Variants in MYLK3 observed in about 807,000 individuals in gnomAD.
MYLK3 encodes the protein MLC kinase.
A neutral mutation model predicts 76.3 loss-of-function variants in MYLK3; 55 were observed. The observed-to-expected ratio is 0.72, with a 90% CI of 0.58 to 0.90. The LOEUF (loss-of-function observed/expected upper bound fraction) is 0.90. Among genes scored for constraint, MYLK3 ranks in the 40% least tolerant of loss-of-function variants. The pLI is 0.00. For missense variants in MYLK3, 973 were observed against 1,053.6 expected, an observed-to-expected ratio of 0.92 and a Z score of 1.06; for synonymous variants, 416 against 425.4, an observed-to-expected ratio of 0.98 and a Z score of 0.27.
In MYLK3 at chr16:46,706,229, A is replaced by C. The variant is rs924991685; in HGVS notation, c.*1475T>G. ...TAATATAAACAGTCAGTTAATACCC[A>C]TACACACATATGTGTTCGTGTGTGT... is the stretch of plus-strand genomic sequence containing the variant. On this transcript the variant is annotated 3_prime_UTR_variant, in exon 13 of 13. Transcript: ENST00000394809. 2.6e-5 allele frequency: 4 copies of C among 151,690 alleles called. No individual in the cohort carries two copies. The highest frequency in any genetic ancestry group is 9.7e-5 in the African/African-American group (4 of 41,266). The allele number at this position is 151,690 out of a possible 1,614,324, so 9.4% of individuals were successfully genotyped here. A position where few individuals can be genotyped will look rare whatever the true frequency, so the allele number is the denominator to read the frequency against.
chr16:46,711,127 A>G (rs1596745483), intron 10 of MYLK3: 2 of 273,398 alleles, frequency 7.3e-6, no homozygotes, highest in Non-Finnish European at 1.4e-5. Context: ...TTAGAAATAG[A>G]AATAGCCTTC....
intron 8 of MYLK3, chr16:46,726,661 GAA>G (rs1365198994): frequency 3.5e-5 from 1 of 28,668 alleles, no homozygotes; most frequent in Non-Finnish European, 8.4e-5. Context: ...AAAGAAGAAA[GAA>G]AAAGAAAGAA....
At chr16:46,742,447 A>ACACAC (rs1555471290) in intron 1 of MYLK3, among the ~76,000 whole-genome samples, 12,047 of 130,796 alleles carry the variant, frequency 0.092, 714 homozygotes, top group East Asian at 0.22. Context: ...TCCCAGCAAA[A>ACACAC]ACACACACAC....
intron 2 of MYLK3, 75 bp downstream of exon 2, chr16:46,739,982 G>C (rs1385637273): frequency 3.9e-6 from 4 of 1,034,332 alleles, no homozygotes; most frequent in Non-Finnish European, 5.9e-6. Context: ...CATACTGTGG[G>C]CCGTGTTGTT....
chr16:46,735,240 T>G (rs887832799), intron 3 of MYLK3, among the ~76,000 whole-genome samples: 2 of 152,168 alleles, frequency 1.3e-5, no homozygotes, highest in Non-Finnish European at 2.9e-5. Flanking sequence ...AGTCTCGGTC[T>G]TGTCCCCTAG....
rs1265625529 is a variant in MYLK3 at position 46,702,809 on chromosome 16, A to T, written c.*4895T>A. Among the ~76,000 whole-genome samples the T allele has an allele frequency of 6.6e-6, 1 of 152,102 alleles. No homozygotes were observed. The highest frequency in any genetic ancestry group is 1.5e-5 in the Non-Finnish European group (1 of 68,020). ...GTGGCGCATGCCTGTAGTCCCAGCT[A>T]CTTGGGAGGCTGAGGCAGGAGAAAT... On this transcript the variant is annotated 3_prime_UTR_variant, in exon 13 of 13. Transcript: ENST00000394809.
In MYLK3 at chr16:46,704,349, G is replaced by C. The variant is rs1455300700; in HGVS notation, c.*3355C>G. On this transcript the variant is annotated 3_prime_UTR_variant, in exon 13 of 13. Transcript: ENST00000394809. ...CCACCTTGGCCTCCCAAAGTGCTGGGATTACAGATGTGAGCCACCATGCCT... is the reference window on the plus strand; with the variant it reads ...CCACCTTGGCCTCCCAAAGTGCTGGCATTACAGATGTGAGCCACCATGCCT... The C allele has an allele frequency of 6.6e-6, 1 of 152,200 alleles. No individual in the cohort carries two copies. Among genetic ancestry groups the C allele is most frequent in the African/African-American group, 2.4e-5 (1 of 41,450 alleles). 9.4% of individuals were successfully genotyped at this position (152,200 alleles called of 1,614,324 possible).
chr16:46,763,211 C>T (rs1967302764), exon 1 of MYLK3: 1 of 985,376 alleles, frequency 1.0e-6, no homozygotes, highest in South Asian at 4.7e-5. Flanking sequence ...GTGCAAGCTG[C>T]CCTCTGGTCT....
At chr16:46,726,725 GAAAGAAAGA>G (rs1966842894) in intron 8 of MYLK3, 2 of 132,736 alleles carry the variant, frequency 1.5e-5, no homozygotes, top group African/African-American at 2.8e-5. Flanking sequence ...AAGAAAGAAA[GAAAGAAAGA>G]AAAGAAAGAG....
At chr16:46,735,597 T>C (rs1358528792) in intron 3 of MYLK3, among the ~76,000 whole-genome samples, 1 of 152,190 alleles carries the variant, frequency 6.6e-6, no homozygotes. Flanking sequence ...TGGACCTCTC[T>C]GACACACCTG....
chr16:46,725,380 G>A (rs980905239), intron 8 of MYLK3, among the ~76,000 whole-genome samples: 1 of 152,166 alleles, frequency 6.6e-6, no homozygotes, highest in African/African-American at 2.4e-5. Context: ...AAAACATTCA[G>A]TCTCCTACTA....
At chr16:46,751,098 C>T (rs1005794543), upstream of MYLK3, among the ~76,000 whole-genome samples, 3 of 151,668 alleles carry the variant, frequency 2.0e-5, no homozygotes, top group Non-Finnish European at 4.4e-5. Context: ...ATACCCCAGC[C>T]ATGTATCTAT....
chr16:46,732,908 G>C (rs973199653), intron 3 of MYLK3, among the ~76,000 whole-genome samples: 1 of 152,222 alleles, frequency 6.6e-6, no homozygotes, highest in Non-Finnish European at 1.5e-5. Flanking sequence ...ACACCCCTGA[G>C]AACCTGCTTC....
intron 1 of MYLK3, among the ~76,000 whole-genome samples, chr16:46,755,906 CTT>C (rs772833701): frequency 2.7e-5 from 3 of 109,744 alleles, no homozygotes; most frequent in African/African-American, 3.8e-5. Flanking sequence ...TTTTTTCTTT[CTT>C]TTTTTTTTTT....
intron 9 of MYLK3, among the ~76,000 whole-genome samples, chr16:46,715,618 A>G (rs1472617867): frequency 1.3e-5 from 2 of 152,098 alleles, no homozygotes; most frequent in Non-Finnish European, 2.9e-5. Flanking sequence ...GGGACTCCCA[A>G]AATGTTTAAG....
rs1244164543 is a variant in MYLK3, at chr16:46,729,109, T to G, written c.1687A>C (p.Ile563Leu). ...TTCACGTGGCTGAGCTGGTTCATGA[T>G]GTTGATCTCGTTCTTCACGTCCTCC... ...DREDVKNEIN[I>L]MNQLSHVNLI... is the part of the protein sequence containing the mutation. Residue 563 changes from isoleucine (I) to leucine (L), a missense_variant, in exon 7 of 13, where the codon ATC (isoleucine) becomes CTC (leucine). Ile to Leu is a conservative substitution (Grantham distance 5, BLOSUM62 2). Coordinates refer to ENST00000394809, the MANE Select transcript of MYLK3 (RefSeq NM_182493.3). 2.5e-6 allele frequency: 4 copies of G among 1,614,106 alleles called. No homozygotes were observed. The highest frequency in any genetic ancestry group is 3.4e-6 in the Non-Finnish European group (4 of 1,179,950).
intron 1 of MYLK3, chr16:46,762,926 G>T: frequency 1.2e-6 from 1 of 820,774 alleles, no homozygotes; most frequent in Non-Finnish European, 1.5e-6. Flanking sequence ...CATTTTTCTT[G>T]TCGTTTTTGA....
chr16:46,713,478 A>G (rs973799681), intron 9 of MYLK3, among the ~76,000 whole-genome samples: 3 of 152,180 alleles, frequency 2.0e-5, no homozygotes, highest in Admixed American at 6.6e-5. Context: ...GATTACATGC[A>G]TGAGCCACTA....
rs1052893108 is a variant in MYLK3 at position 46,705,170 on chromosome 16, A to G, written c.*2534T>C. The G allele has an allele frequency of 1.3e-5, 2 of 152,262 alleles. No individual in the cohort carries two copies. The highest frequency in any genetic ancestry group is 2.9e-5 in the Non-Finnish European group (2 of 68,050). 9.4% of individuals were successfully genotyped at this position (152,262 alleles called of 1,614,324 possible). On this transcript the variant is annotated 3_prime_UTR_variant, in exon 13 of 13. Transcript: ENST00000394809. ...CAAGAGCCTCTGTTACAGGACAAAA[A>G]TCCTGAAAGGTAGTGAAACTGTTGC...
Sources: allele counts gnomAD v4.1 joint callset (sites outside exome capture counted in the v4.1 genomes callset), GRCh38; gene constraint gnomAD v4.1.1; transcripts MANE v1.5; gene names NCBI Gene and HGNC (gene_info 2026-07-23, HGNC 2026-07-21).